The following PLEKHA5 variants were observed in gnomAD, a reference collection of about 807,000 sequenced individuals.
PLEKHA5 encodes pleckstrin homology domain-containing family A member 5.
PLEKHA5 carries 55 observed loss-of-function variants against 181.9 expected under a neutral mutation model. The ratio of observed to expected loss-of-function variants is 0.30; its 90% CI spans 0.24 to 0.38. The LOEUF (loss-of-function observed/expected upper bound fraction) is 0.38. Ranked by LOEUF, PLEKHA5 falls within the 10% of genes least tolerant of loss-of-function variation. PLEKHA5 has a pLI of 1.00. For missense variants in PLEKHA5, 1,432 were observed against 1,549.5 expected, an observed-to-expected ratio of 0.92 and a Z score of 1.27; for synonymous variants, 535 against 529.4, an observed-to-expected ratio of 1.01 and a Z score of -0.15.
intron 3 of PLEKHA5, among the ~76,000 whole-genome samples, chr12:19,227,913 T>C (rs139396695): frequency 6.6e-6 from 1 of 152,342 alleles, no homozygotes; most frequent in Non-Finnish European, 1.5e-5. Flanking sequence ...CAAACTTGTT[T>C]TGTGATGTGA....
In PLEKHA5 at chr12:19,210,421, C is replaced by T. The variant is rs147245665; in HGVS notation, c.228-43519C>T. Among the ~76,000 whole-genome samples the T allele has an allele frequency of 1.7e-3, 258 of 152,254 alleles. 3 individuals are homozygous for T. The East Asian group carries it at 0.026, about 15-fold the overall frequency. ...AAATGGAACTTTTCCCATTAGTTGT[C>T]ATTTAACATGAATGATTTCCGGTGG... On this transcript the variant is annotated intron_variant, in intron 3 of 31. Coordinates refer to ENST00000429027, the MANE Select transcript of PLEKHA5 (RefSeq NM_001256470.2).
chr12:19,330,044 C>T (rs1163033286), intron 20 of PLEKHA5, among the ~76,000 whole-genome samples: 2 of 152,104 alleles, frequency 1.3e-5, no homozygotes, highest in African/African-American at 2.4e-5. Flanking sequence ...AAGTGAGACC[C>T]TGTTTCAAAA....
intron 11 of PLEKHA5, among the ~76,000 whole-genome samples, chr12:19,280,912 T>C (rs998043142): frequency 5.9e-5 from 9 of 151,950 alleles, no homozygotes; most frequent in Admixed American, 5.2e-4. Context: ...GGTTTCACCA[T>C]GTTGGCCAAG....
At chr12:19,302,361 A>T (rs367716400) in intron 15 of PLEKHA5, among the ~76,000 whole-genome samples, 3 of 152,232 alleles carry the variant, frequency 2.0e-5, no homozygotes, top group African/African-American at 7.2e-5. Flanking sequence ...AGACAGCTTG[A>T]GCAAAGGTTT....
intron 15 of PLEKHA5, among the ~76,000 whole-genome samples, chr12:19,298,075 C>T (rs542644389): frequency 1.3e-5 from 2 of 151,826 alleles, no homozygotes; most frequent in South Asian, 2.1e-4. Flanking sequence ...CATAGTAGTG[C>T]GTACCACCCG....
intron 29 of PLEKHA5, among the ~76,000 whole-genome samples, chr12:19,362,564 G>A (rs1039993375): frequency 6.6e-6 from 1 of 151,788 alleles, no homozygotes; most frequent in African/African-American, 2.4e-5. Flanking sequence ...GAAAATACAT[G>A]TACAGCACTT....
intron 3 of PLEKHA5, among the ~76,000 whole-genome samples, chr12:19,195,939 T>C (rs985251593): frequency 6.6e-6 from 1 of 152,176 alleles, no homozygotes; most frequent in Non-Finnish European, 1.5e-5. Flanking sequence ...CTGTTTACTT[T>C]GGCATCTTTC....
At chr12:19,159,709 T>C (rs1369986148) in intron 3 of PLEKHA5, among the ~76,000 whole-genome samples, 1 of 152,172 alleles carries the variant, frequency 6.6e-6, no homozygotes, top group Non-Finnish European at 1.5e-5. Flanking sequence ...ATTTATGCTA[T>C]ACAAATTAGC....
chr12:19,224,279 A>G (rs2059387980), intron 3 of PLEKHA5, among the ~76,000 whole-genome samples: 1 of 152,184 alleles, frequency 6.6e-6, no homozygotes, highest in African/African-American at 2.4e-5. Flanking sequence ...TTAATAAAGT[A>G]ACTCTCAAGT....
chr12:19,170,151 C>G (rs762155941), intron 3 of PLEKHA5, among the ~76,000 whole-genome samples: 4 of 152,106 alleles, frequency 2.6e-5, no homozygotes, highest in Non-Finnish European at 5.9e-5. Flanking sequence ...GGTAGAAACC[C>G]CAATCCCAGT....
chr12:19,144,369 G>C (rs767542851), intron 3 of PLEKHA5, among the ~76,000 whole-genome samples: 4 of 152,182 alleles, frequency 2.6e-5, no homozygotes, highest in African/African-American at 9.7e-5. Context: ...AAACACCAGC[G>C]TCTCTCCTCG....
chr12:19,224,200 T>G (rs996402272), intron 3 of PLEKHA5, among the ~76,000 whole-genome samples: 1 of 152,220 alleles, frequency 6.6e-6, no homozygotes, highest in African/African-American at 2.4e-5. Context: ...GTTAGAAAAC[T>G]ATAGCTATTT....
At chr12:19,264,326 C>T (rs1272734295) in intron 7 of PLEKHA5, among the ~76,000 whole-genome samples, 3 of 151,250 alleles carry the variant, frequency 2.0e-5, no homozygotes, top group Non-Finnish European at 2.9e-5. Context: ...TGCTTTAGTG[C>T]CTCTGTCTAT....
intron 3 of PLEKHA5, among the ~76,000 whole-genome samples, chr12:19,208,382 G>A (rs188015819): frequency 8.9e-4 from 133 of 149,092 alleles, no homozygotes; most frequent in African/African-American, 3.1e-3. Flanking sequence ...ACCCCAGCCT[G>A]GGCAACAGAG....
intron 2 of PLEKHA5, among the ~76,000 whole-genome samples, chr12:19,132,022 GA>G (rs960235692): frequency 3.3e-5 from 5 of 152,138 alleles, no homozygotes; most frequent in Admixed American, 6.5e-5. Context: ...ATATACCCAA[GA>G]AGAGGCAGGC....
intron 21 of PLEKHA5, among the ~76,000 whole-genome samples, chr12:19,339,045 C>CTT (rs1056828971): frequency 1.4e-5 from 2 of 145,128 alleles, no homozygotes. Flanking sequence ...TATAACTTCT[C>CTT]TTTTTTTTTT....
chr12:19,173,575 A>G (rs531346106), intron 3 of PLEKHA5, among the ~76,000 whole-genome samples: 5 of 152,236 alleles, frequency 3.3e-5, no homozygotes, highest in African/African-American at 1.2e-4. Flanking sequence ...CAGTAATGAC[A>G]TGGTACTAAT....
intron 3 of PLEKHA5, among the ~76,000 whole-genome samples, chr12:19,238,490 C>A (rs929163105): frequency 1.3e-5 from 2 of 152,038 alleles, no homozygotes. Context: ...ACAATTTTTT[C>A]CTTAAGTTGC....
intron 29 of PLEKHA5, among the ~76,000 whole-genome samples, chr12:19,363,192 T>C (rs1179191223): frequency 1.3e-5 from 2 of 151,648 alleles, no homozygotes; most frequent in African/African-American, 4.8e-5. Flanking sequence ...TGGAGTGCAA[T>C]GGCGCAATCT....
Sources: gnomAD v4.1 joint callset for allele counts (sites outside exome capture counted in the v4.1 genomes callset) on GRCh38, gnomAD v4.1.1 for gene constraint, MANE v1.5 for transcripts, NCBI Gene and HGNC (gene_info 2026-07-23, HGNC 2026-07-21) for gene names.